The following ARHGAP8 variants were observed in gnomAD, a reference collection of about 807,000 sequenced individuals.
ARHGAP8 encodes the protein rho GTPase-activating protein 8.
In ARHGAP8, 62 loss-of-function variants were observed where a neutral mutation model predicts 46.1. That is an observed-to-expected ratio of 1.34 (90% CI 1.10 to 1.66). The LOEUF (loss-of-function observed/expected upper bound fraction) is 1.66, where lower values mean the gene tolerates loss of function less well. Among genes scored for constraint, ARHGAP8 ranks in the 40% most tolerant of loss-of-function variants. The pLI, the probability that ARHGAP8 is intolerant of heterozygous loss-of-function variation, is 0.00. For synonymous variants in ARHGAP8, 375 were observed against 243.1 expected (o/e 1.54, Z -5.05); for missense variants, 923 against 568.4 (o/e 1.62, Z -6.34).
intron 10 of ARHGAP8, 139 bp downstream of exon 10, chr22:44,849,199 G>A (rs1471240284): frequency 1.3e-6 from 2 of 1,491,296 alleles, no homozygotes; most frequent in African/African-American, 1.4e-5. Context: ...GCACTGCAGG[G>A]CAAGAGAGGG....
intron 1 of ARHGAP8, among the ~76,000 whole-genome samples, chr22:44,771,258 T>TTG (rs1449893410): frequency 6.8e-6 from 1 of 148,096 alleles, no homozygotes; most frequent in East Asian, 2.0e-4. Context: ...TTTTTTTTTT[T>TTG]TTTTTTGAGA....
In ARHGAP8 at chr22:44,780,728, A is replaced by G. The variant is rs192969814; in HGVS notation, c.-71-5729A>G. On this transcript the variant is annotated intron_variant, in intron 1 of 11. Transcript: ENST00000356099. ...CACCCCATCCTCAGGCCCTGCCCTCACCCCCACCACTGGCCAATGCCATTA... is the reference window on the plus strand; with the variant it reads ...CACCCCATCCTCAGGCCCTGCCCTCGCCCCCACCACTGGCCAATGCCATTA... Among the ~76,000 whole-genome samples the G allele has an allele frequency of 2.5e-3, 384 of 152,152 alleles. 2 individuals are homozygous for G. The highest frequency in any genetic ancestry group is 8.9e-3 in the African/African-American group (369 of 41,514).
At position 44,862,580 on chromosome 22, in the gene ARHGAP8, C is replaced by T. The variant is rs553805142; in HGVS notation, c.1287C>T (p.Ala429=). The stretch of plus-strand genomic sequence containing the variant: ...TACCTCCGAGTCCCCTGATGGCAGC[C>T]AGAAGACGTCTCTAGTGTTGCGAAC... The part of the protein sequence containing the change: ...PTLPPSPLMA[A]RRRL The change falls in exon 12 of 12, where the codon GCC becomes GCT. Residue 429 remains alanine, a synonymous_variant. Transcript: ENST00000356099. 41 of 1,585,078 alleles carry T rather than the reference C, an allele frequency of 2.6e-5. 1 individual carries two copies. In the East Asian group the frequency reaches 4.5e-4, roughly 18 times the overall value.
At chr22:44,815,362 G>A (rs1322829749) in intron 5 of ARHGAP8, among the ~76,000 whole-genome samples, 4 of 151,434 alleles carry the variant, frequency 2.6e-5, no homozygotes, top group Admixed American at 6.6e-5. Flanking sequence ...TCAGCCACTC[G>A]GTCTCCAGCC....
rs1208515453 is a variant in ARHGAP8 at position 44,790,718 on chromosome 22, GAA to G, written c.79+4114_79+4115del. The stretch of plus-strand genomic sequence containing the variant: ...AAAAAAAGAGAAGGGGGAGCCCTGG[GAA>G]AGAACCTGGCCGTTTTTTTTTTTTT... On this transcript the variant is annotated intron_variant, in intron 2 of 11. Transcript: ENST00000356099. 2.9e-3 allele frequency among the ~76,000 whole-genome samples: 345 copies of G among 120,146 alleles called. 3 individuals are homozygous for G. The highest frequency in any genetic ancestry group is 0.011 in the African/African-American group (336 of 30,152). The allele number at this position is 120,146 out of a possible 152,430, so 78.8% of individuals were successfully genotyped here. A position where few individuals can be genotyped will look rare whatever the true frequency, so the allele number is the denominator to read the frequency against.
chr22:44,789,724 C>T (rs1389475383), intron 2 of ARHGAP8, among the ~76,000 whole-genome samples: 1 of 152,116 alleles, frequency 6.6e-6, no homozygotes, highest in Non-Finnish European at 1.5e-5. Context: ...TGGTCTTGAA[C>T]TCCTGGGCTG....
intron 2 of ARHGAP8, among the ~76,000 whole-genome samples, chr22:44,786,879 T>C (rs1927280392): frequency 6.6e-6 from 1 of 151,776 alleles, no homozygotes; most frequent in African/African-American, 2.4e-5. Context: ...CAGCCGAGCA[T>C]GGTGTTGCAT....
At chr22:44,786,862 C>A (rs1056116377) in intron 2 of ARHGAP8, among the ~76,000 whole-genome samples, 22 of 151,822 alleles carry the variant, frequency 1.4e-4, no homozygotes, top group African/African-American at 4.4e-4. Context: ...AAAAAAAATA[C>A]AAAAATCAGC....
intron 10 of ARHGAP8, chr22:44,850,260 A>G (rs572958325): frequency 2.0e-5 from 3 of 152,354 alleles, no homozygotes; most frequent in South Asian, 2.1e-4. Flanking sequence ...CTGGAAGACC[A>G]TGAAAGATGT....
At chr22:44,815,946 C>T (rs1461167334) in intron 5 of ARHGAP8, among the ~76,000 whole-genome samples, 1 of 152,102 alleles carries the variant, frequency 6.6e-6, no homozygotes, top group Non-Finnish European at 1.5e-5. Flanking sequence ...GGGCTCAGAG[C>T]AGGAGGGCGC....
At chr22:44,807,241 C>T (rs533971250) in intron 3 of ARHGAP8, among the ~76,000 whole-genome samples, 138 of 152,300 alleles carry the variant, frequency 9.1e-4, no homozygotes, top group Non-Finnish European at 1.8e-3. Flanking sequence ...TCAGGCCCTG[C>T]AGAGTGCTGG....
rs796490147 is a variant in ARHGAP8 at position 44,827,336 on chromosome 22, G to GTTTTTTTTTTT, written c.596+1759_596+1769dup. On this transcript the variant is annotated intron_variant, in intron 7 of 11. Coordinates refer to ENST00000356099, the MANE Select transcript of ARHGAP8 (RefSeq NM_181335.3). Reference sequence around the variant, plus strand: ...GGTGAGATAATACATTTGGGTGGTGGTTTTTTTTTTTTTTTTTTTTTTTTT... The same window carrying GTTTTTTTTTTT: ...GGTGAGATAATACATTTGGGTGGTGGTTTTTTTTTTTTTTTTTTTTTTTTTTTTTTTTTTTT... Among the ~76,000 whole-genome samples the GTTTTTTTTTTT allele has an allele frequency of 8.4e-3, 567 of 67,260 alleles. 132 individuals carry two copies. Among genetic ancestry groups the GTTTTTTTTTTT allele is most frequent in the African/African-American group, 9.4e-3 (160 of 17,066 alleles). 44.1% of individuals were successfully genotyped at this position (67,260 alleles called of 152,430 possible). A position where few individuals can be genotyped will look rare whatever the true frequency, so the allele number is the denominator to read the frequency against.
chr22:44,799,750 G>A (rs1019517086), intron 2 of ARHGAP8, among the ~76,000 whole-genome samples: 3 of 151,048 alleles, frequency 2.0e-5, no homozygotes, highest in Admixed American at 6.7e-5. Context: ...TCTGGGAAGC[G>A]GGGCGGCCCA....
intron 2 of ARHGAP8, among the ~76,000 whole-genome samples, chr22:44,792,021 CT>C (rs748389226): frequency 1.4e-4 from 11 of 78,050 alleles, no homozygotes; most frequent in African/African-American, 1.6e-4. Context: ...TTCTTTCTTT[CT>C]TTTTTTTTTA....
At chr22:44,797,790 A>C (rs966715381) in intron 2 of ARHGAP8, among the ~76,000 whole-genome samples, 1 of 151,968 alleles carries the variant, frequency 6.6e-6, no homozygotes, top group Non-Finnish European at 1.5e-5. Flanking sequence ...GCATGTGAGT[A>C]CGTGTGTGCA....
chr22:44,769,872 G>T (rs1422149033), intron 1 of ARHGAP8, among the ~76,000 whole-genome samples: 1 of 152,162 alleles, frequency 6.6e-6, no homozygotes, highest in Non-Finnish European at 1.5e-5. Context: ...AAATTCAGAG[G>T]CTAGGGTTTC....
chr22:44,812,743 T>A lies in ARHGAP8; in HGVS notation c.300-1929T>A, dbSNP rs1839519276. On this transcript the variant is annotated intron_variant, in intron 4 of 11. Coordinates refer to ENST00000356099, the MANE Select transcript of ARHGAP8 (RefSeq NM_181335.3). ...TATCCTGCTCCTTGTCAAAATACTT[T>A]TCACTTTCATTGCTGCTGCTTGGCT... Among the ~76,000 whole-genome samples the A allele has an allele frequency of 2.0e-5, 3 of 152,132 alleles. No individual in the cohort carries two copies. The South Asian group carries it at 6.2e-4, about 32-fold the overall frequency.
intron 3 of ARHGAP8, among the ~76,000 whole-genome samples, chr22:44,806,062 G>A (rs1016660096): frequency 2.6e-5 from 4 of 152,200 alleles, no homozygotes; most frequent in African/African-American, 9.6e-5. Context: ...GGGAAGAGGA[G>A]CTGTGCAAAG....
intron 7 of ARHGAP8, among the ~76,000 whole-genome samples, chr22:44,825,896 G>A (rs1413430788): frequency 2.3e-5 from 3 of 129,752 alleles, no homozygotes; most frequent in Admixed American, 7.9e-5. Flanking sequence ...TTGCTGCTCC[G>A]TGCCTCGTTG....
Sources: gnomAD v4.1 joint callset for allele counts (sites outside exome capture counted in the v4.1 genomes callset) on GRCh38, gnomAD v4.1.1 for gene constraint, MANE v1.5 for transcripts, NCBI Gene and HGNC (gene_info 2026-07-23, HGNC 2026-07-21) for gene names.